MTRR: variants seen among roughly 807,000 people sequenced by gnomAD.
MTRR encodes the protein 5-methyltetrahydrofolate-homocysteine methyltransferase reductase.
In MTRR, 63 loss-of-function variants were observed where a neutral mutation model predicts 79.2. The observed-to-expected ratio is 0.80, with a 90% CI of 0.65 to 0.98. The LOEUF is 0.98. Ranked by LOEUF, MTRR falls within the 50% of genes least tolerant of loss-of-function variation. The pLI is 0.00. For missense variants in MTRR, 895 were observed against 839.6 expected (o/e 1.07, Z -0.82); for synonymous variants, 355 against 313.3 (o/e 1.13, Z -1.41).
chr5:7,874,622 C>T (rs1040239473), intron 3 of MTRR, among the ~76,000 whole-genome samples: 26 of 116,938 alleles, frequency 2.2e-4, no homozygotes, highest in African/African-American at 8.6e-4. Flanking sequence ...CACCATGAGA[C>T]ATAGAAGCAA....
At chr5:7,882,957 G>A (rs532046103) in intron 5 of MTRR, among the ~76,000 whole-genome samples, 198 bp from the exon 6 acceptor site, 14 of 152,248 alleles carry the variant, frequency 9.2e-5, no homozygotes, top group African/African-American at 3.1e-4. Context: ...ATGTCTAATA[G>A]ATAAAGCGTT....
intron 2 of MTRR, chr5:7,862,997 C>T (rs2126598498): frequency 6.2e-7 from 1 of 1,610,280 alleles, no homozygotes; most frequent in Non-Finnish European, 8.5e-7. Context: ...AGTTTTGGAC[C>T]CTAAAAAATC....
rs35035568 is a variant in MTRR at position 7,886,472 on chromosome 5, TG to T, written c.1058-141del. ...CTGTATTCATTTTGGGGAATTTTTT[TG>T]GCTGAATAAACATTGCCACAAGTCA... On this transcript the variant is annotated intron_variant, in intron 7 of 14. Transcript: ENST00000440940. The T allele has an allele frequency of 0.16, 110,074 of 675,428 alleles. 10,391 individuals are homozygous for T. The highest frequency in any genetic ancestry group is 0.2 in the Non-Finnish European group (76,627 of 379,364). The allele number at this position is 675,428 out of a possible 1,614,324, so 41.8% of individuals were successfully genotyped here. A position where few individuals can be genotyped will look rare whatever the true frequency, so the allele number is the denominator to read the frequency against.
intron 5 of MTRR, among the ~76,000 whole-genome samples, chr5:7,882,040 A>G (rs1735680584): frequency 6.6e-6 from 1 of 152,172 alleles, no homozygotes; most frequent in African/African-American, 2.4e-5. Context: ...TGACTGTCAC[A>G]GGCTGGTTCC....
At chr5:7,866,124 GAATT>G (rs1746929549), upstream of MTRR, 6 of 629,904 alleles carry the variant, frequency 9.5e-6, no homozygotes, top group Non-Finnish European at 1.7e-5. Context: ...GAACTTGTTA[GAATT>G]AATTATGCCC....
rs144020429 is a variant in MTRR at position 7,897,178 on chromosome 5, A to G, written c.1883A>G (p.Asn628Ser). ...EEAPAKYVQDNIQLHGQQVAR... is the reference protein window; with the variant it reads ...EEAPAKYVQDSIQLHGQQVAR... ...GCCCCAGCAAAGTATGTGCAAGACA[A>G]CATCCAGCTTCATGGCCAGCAGGTG... is the stretch of plus-strand genomic sequence containing the variant. The change falls in exon 14 of 15, where the codon AAC becomes AGC. Residue 628 changes from asparagine (N) to serine (S), a missense_variant. Asn to Ser is a conservative substitution (Grantham distance 46, BLOSUM62 1). Transcript: ENST00000440940. The G allele has an allele frequency of 8.1e-6, 13 of 1,614,050 alleles. No individual in the cohort carries two copies. Among genetic ancestry groups the G allele is most frequent in the African/African-American group, 1.3e-5 (1 of 74,914 alleles).
chr5:7,867,811 T>C, upstream of MTRR: 1 of 1,614,234 alleles, frequency 6.2e-7, no homozygotes, highest in Non-Finnish European at 8.5e-7. Flanking sequence ...TAACATTTTG[T>C]TCAAGCCTGT....
At chr5:7,868,888 C>A, upstream of MTRR, 1 of 576,398 alleles carries the variant, frequency 1.7e-6, no homozygotes, top group Non-Finnish European at 3.1e-6. Context: ...CGCTGAGACA[C>A]GGGCCGGGCG....
chr5:7,874,947 C>G (rs529249783), intron 3 of MTRR, among the ~76,000 whole-genome samples: 3 of 152,252 alleles, frequency 2.0e-5, no homozygotes, highest in African/African-American at 7.2e-5. Context: ...GTTTTGCAAC[C>G]TGTCTGATCC....
intron 12 of MTRR, 142 bp from the exon 13 acceptor site, chr5:7,896,722 G>A: frequency 1.4e-6 from 1 of 734,824 alleles, no homozygotes. Flanking sequence ...AGAGTAAAAT[G>A]CTAATTAAAT....
chr5:7,878,844 A>G (rs1210382219), intron 5 of MTRR, among the ~76,000 whole-genome samples: 1 of 152,246 alleles, frequency 6.6e-6, no homozygotes, highest in Non-Finnish European at 1.5e-5. Flanking sequence ...ATAAGTTTCC[A>G]GAGCAGGCAG....
chr5:7,882,582 A>T (rs556028393), intron 5 of MTRR, among the ~76,000 whole-genome samples: 2 of 152,280 alleles, frequency 1.3e-5, no homozygotes, highest in East Asian at 3.9e-4. Flanking sequence ...AAGAACTGGG[A>T]TTTTTTGCAG....
chr5:7,894,169 C>G (rs1273341357), intron 11 of MTRR, among the ~76,000 whole-genome samples: 2 of 152,146 alleles, frequency 1.3e-5, no homozygotes, highest in African/African-American at 4.8e-5. Flanking sequence ...AATCTATATG[C>G]AGTAGAAGTG....
At chr5:7,885,620 A>G (rs1736280922) in intron 6 of MTRR, 81 bp from the exon 7 acceptor site, 1 of 1,312,798 alleles carries the variant, frequency 7.6e-7, no homozygotes. Context: ...AATATTGAAA[A>G]CTATATTTTT....
At chr5:7,889,501 C>G (rs543285913) in intron 9 of MTRR, among the ~76,000 whole-genome samples, 1 of 152,256 alleles carries the variant, frequency 6.6e-6, no homozygotes, top group East Asian at 1.9e-4. Flanking sequence ...AATTCCCCTT[C>G]CAGACTTTTG....
chr5:7,891,282 A>T, intron 9 of MTRR, 90 bp from the exon 10 acceptor site: 2 of 767,788 alleles, frequency 2.6e-6, no homozygotes, highest in Non-Finnish European at 4.2e-6. Flanking sequence ...TCTAAATAAG[A>T]CATGGAATTT....
chr5:7,891,403 T>G lies in MTRR; in HGVS notation c.1359T>G (p.Tyr453Ter). The change falls in exon 10 of 15, where the codon TAT becomes TAG. Residue 453 changes from tyrosine to a stop codon, truncating the protein, a stop_gained. Transcript: ENST00000440940. LOFTEE classifies it high-confidence loss of function. ...TTCCTAAACTTCAACCCAGACCATA[T>G]TCGTGTGCAAGGTACTACTATTTAT... ...EHLPKLQPRP[Y>*]SCASSSLFHP... 1 of 1,610,942 alleles carries G rather than the reference T, an allele frequency of 6.2e-7. No homozygotes were observed. Among genetic ancestry groups the G allele is most frequent in the Non-Finnish European group, 8.5e-7 (1 of 1,177,748 alleles).
At chr5:7,863,008 A>ATT (rs1746666344) in intron 2 of MTRR, 2 of 1,606,516 alleles carry the variant, frequency 1.2e-6, no homozygotes, top group East Asian at 4.5e-5. Flanking sequence ...CTAAAAAATC[A>ATT]TAAGTGCAAA....
chr5:7,867,363 T>G (rs1392406515), upstream of MTRR: 8 of 1,613,866 alleles, frequency 5.0e-6, no homozygotes, highest in Non-Finnish European at 6.8e-6. Flanking sequence ...TGAAGTTGAT[T>G]TATAATGAGT....
Sources: allele counts gnomAD v4.1 joint callset (sites outside exome capture counted in the v4.1 genomes callset), GRCh38; gene constraint gnomAD v4.1.1; transcripts MANE v1.5; gene names NCBI Gene and HGNC (gene_info 2026-07-23, HGNC 2026-07-21).